ABCA5: variants seen among roughly 807,000 people sequenced by gnomAD.
ABCA5 encodes ATP binding cassette subfamily A member 5.
A neutral mutation model predicts 206.0 loss-of-function variants in ABCA5; 163 were observed. That is an observed-to-expected ratio of 0.79 (90% CI 0.70 to 0.90). The LOEUF is 0.90. Among genes scored for constraint, ABCA5 ranks in the 40% least tolerant of loss-of-function variants. The probability of loss-of-function intolerance (pLI) is 0.00; values close to 1 mark genes in which losing one functional copy is unlikely to be tolerated. For synonymous variants in ABCA5, 609 were observed against 613.8 expected (o/e 0.99, Z 0.11); for missense variants, 1,859 against 1,912.9 (o/e 0.97, Z 0.53).
chr17:69,307,031 C>A, intron 5 of ABCA5, 77 bp from the exon 6 acceptor site: 1 of 1,048,846 alleles, frequency 9.5e-7, no homozygotes, highest in Non-Finnish European at 1.3e-6. Context: ...ACAGCTATAT[C>A]CCTAAATTTG....
chr17:69,256,393 T>C, intron 28 of ABCA5, 110 bp from the exon 29 acceptor site: 1 of 552,402 alleles, frequency 1.8e-6, no homozygotes, highest in East Asian at 3.5e-5. Context: ...TAACATAAGA[T>C]CTAGGATTAT....
At chr17:69,260,447 A>G (rs1361331238) in intron 26 of ABCA5, 35 bp from the exon 27 acceptor site, 2 of 1,273,302 alleles carry the variant, frequency 1.6e-6, no homozygotes, top group African/African-American at 1.5e-5. Context: ...TATACGCTGC[A>G]ATATGTAGAA....
At chr17:69,261,401 T>C (rs2144912834) in intron 25 of ABCA5, 142 bp from the exon 26 acceptor site, 1 of 783,672 alleles carries the variant, frequency 1.3e-6, no homozygotes, top group South Asian at 2.1e-5. Flanking sequence ...GCAACAAGAA[T>C]ACCACTTGTT....
chr17:69,252,980 T>C (rs2075033964), intron 34 of ABCA5, among the ~76,000 whole-genome samples: 1 of 151,008 alleles, frequency 6.6e-6, no homozygotes, highest in African/African-American at 2.5e-5. Flanking sequence ...TTTCTGTGTT[T>C]AGATACATCT....
At position 69,244,553 on chromosome 17, in the gene ABCA5, A is replaced by T. The variant is rs2074929728; in HGVS notation, c.*2984T>A. 1 of 151,860 alleles carries T rather than the reference A, an allele frequency of 6.6e-6. No homozygotes were observed. Among genetic ancestry groups the T allele is most frequent in the South Asian group, 2.1e-4 (1 of 4,834 alleles). The allele number at this position is 151,860 out of a possible 1,614,324, so 9.4% of individuals were successfully genotyped here. On this transcript the variant is annotated 3_prime_UTR_variant, in exon 39 of 39. Transcript: ENST00000392676. The stretch of plus-strand genomic sequence containing the variant: ...CCTGATAAGAATAGCTGATATAAAA[A>T]TTATTCATCTGAGAATAAATTCTTT...
At chr17:69,305,767 A>T (rs1175448973) in intron 6 of ABCA5, among the ~76,000 whole-genome samples, 1 of 152,134 alleles carries the variant, frequency 6.6e-6, no homozygotes, top group East Asian at 1.9e-4. Context: ...ACTACTTGAG[A>T]GACTGAGATG....
chr17:69,303,813 C>T (rs796470587), intron 7 of ABCA5, among the ~76,000 whole-genome samples: 1,046 of 3,756 alleles, frequency 0.28, 301 homozygotes, highest in East Asian at 0.89. Flanking sequence ...TATATACATA[C>T]ATATATATAT....
At chr17:69,257,961 C>G (rs1012762422) in intron 28 of ABCA5, among the ~76,000 whole-genome samples, 3 of 151,904 alleles carry the variant, frequency 2.0e-5, no homozygotes, top group African/African-American at 7.3e-5. Context: ...TAATTAAGTG[C>G]TTCTATTTTC....
chr17:69,304,251 T>G (rs1400488558), intron 7 of ABCA5: 1 of 152,394 alleles, frequency 6.6e-6, no homozygotes, highest in Non-Finnish European at 1.5e-5. Context: ...AGCCAATATA[T>G]CAAATGAATA....
rs1371407915 is a variant in ABCA5 at position 69,286,323 on chromosome 17, T to C, written c.2042-12A>G. On this transcript the variant is annotated splice_polypyrimidine_tract_variant and intron_variant, in intron 15 of 38. Transcript: ENST00000392676. ...CACAGCTTTCCTATCTGCAGATAAA[T>C]ATTTACATTTCAATTTCTAAAGTAT... is the stretch of plus-strand genomic sequence containing the variant. 9 of 1,582,394 alleles carry C rather than the reference T, an allele frequency of 5.7e-6. No homozygotes were observed. The African/African-American group carries it at 9.6e-5, about 17-fold the overall frequency.
rs2075666177 is a variant in ABCA5 at position 69,302,806 on chromosome 17, A to G, written c.1031T>C (p.Met344Thr). ...VTVAFGFIGL[M>T]IILIESFPKS... ...GGGAAAACTTTCTATGAGGATTATC[A>G]TAAGGCCAATAAATCCAAAAGCCAC... Residue 344 changes from methionine (M) to threonine (T), a missense_variant, in exon 8 of 39, where the codon ATG (methionine) becomes ACG (threonine). Met to Thr is a moderately conservative substitution (Grantham distance 81, BLOSUM62 -1). Transcript: ENST00000392676. 6.2e-7 allele frequency: 1 copy of G among 1,600,476 alleles called. No individual in the cohort carries two copies. Among genetic ancestry groups the G allele is most frequent in the South Asian group, 1.1e-5 (1 of 87,626 alleles).
At chr17:69,270,333 C>T (rs1188629789) in intron 22 of ABCA5, among the ~76,000 whole-genome samples, 1 of 151,918 alleles carries the variant, frequency 6.6e-6, no homozygotes. Flanking sequence ...AAAAAATATT[C>T]ATTTAAAAAT....
At chr17:69,309,199 T>C in intron 4 of ABCA5, 63 bp downstream of exon 4, 1 of 1,336,072 alleles carries the variant, frequency 7.5e-7, no homozygotes, top group Non-Finnish European at 1.0e-6. Context: ...ATTTTGACTA[T>C]GAACTGCAAG....
rs1450907259 is a variant in ABCA5 at position 69,298,306 on chromosome 17, A to AAGAAAGAGAG, written c.1268-948_1268-947insCTCTCTTTCT. Reference sequence around the variant, plus strand: ...AAGGGAGGGAGGGGAAAGAGAAAGAAAGAGAGAGAGAGGAAGGAAGGAAGG... The same window carrying AAGAAAGAGAG: ...AAGGGAGGGAGGGGAAAGAGAAAGAAAGAAAGAGAGAGAGAGAGAGAGGAAGGAAGGAAGG... On this transcript the variant is annotated intron_variant, in intron 9 of 38. Transcript: ENST00000392676. Among the ~76,000 whole-genome samples, 106 of 32,480 alleles carry AAGAAAGAGAG rather than the reference A, an allele frequency of 3.3e-3. 3 individuals carry two copies. The highest frequency in any genetic ancestry group is 6.8e-3 in the African/African-American group (102 of 15,106). 21.3% of individuals were successfully genotyped at this position (32,480 alleles called of 152,430 possible). A position where few individuals can be genotyped will look rare whatever the true frequency, so the allele number is the denominator to read the frequency against.
chr17:69,282,765 CA>C (rs71144668), intron 18 of ABCA5, among the ~76,000 whole-genome samples: 99,297 of 107,968 alleles, frequency 0.92, 45,718 homozygotes, highest in East Asian at 0.98. Flanking sequence ...GAGCAAGACT[CA>C]AAAAAAAAAA....
intron 3 of ABCA5, among the ~76,000 whole-genome samples, chr17:69,309,901 T>A: frequency 6.6e-6 from 1 of 152,032 alleles, no homozygotes; most frequent in Non-Finnish European, 1.5e-5. Context: ...AATAAAATGG[T>A]ACAATGTTGC....
intron 15 of ABCA5, among the ~76,000 whole-genome samples, chr17:69,287,158 G>A (rs1043338768): frequency 6.6e-6 from 1 of 152,214 alleles, no homozygotes; most frequent in Admixed American, 6.5e-5. Flanking sequence ...CACCCAATAA[G>A]AATCTTGAAC....
rs1468916301 is a variant in ABCA5 at position 69,245,658 on chromosome 17, G to T, written c.*1879C>A. 1 of 151,800 alleles carries T rather than the reference G, an allele frequency of 6.6e-6. No individual in the cohort carries two copies. The allele number at this position is 151,800 out of a possible 1,614,324, so 9.4% of individuals were successfully genotyped here. On this transcript the variant is annotated 3_prime_UTR_variant, in exon 39 of 39. Transcript: ENST00000392676. Reference sequence around the variant, plus strand: ...ATGTCTTTTAAAATTGTTTACAAGAGCATGTATTCATATACATTAAAAGCA... The same window carrying T: ...ATGTCTTTTAAAATTGTTTACAAGATCATGTATTCATATACATTAAAAGCA...
intron 4 of ABCA5, among the ~76,000 whole-genome samples, 185 bp from the exon 5 acceptor site, chr17:69,308,553 A>T (rs577071205): frequency 6.6e-6 from 1 of 152,344 alleles, no homozygotes; most frequent in Admixed American, 6.5e-5. Context: ...ATTTACTTGA[A>T]ATTTTGAAAT....
Sources: gnomAD v4.1 joint callset for allele counts (sites outside exome capture counted in the v4.1 genomes callset) on GRCh38, gnomAD v4.1.1 for gene constraint, MANE v1.5 for transcripts, NCBI Gene and HGNC (gene_info 2026-07-23, HGNC 2026-07-21) for gene names.